The following ZNF207 variants were observed in gnomAD, a reference collection of about 807,000 sequenced individuals.
ZNF207 encodes zinc finger protein 207.
Under a neutral mutation model 60.2 loss-of-function variants are expected in ZNF207, and 24 were observed. That is an observed-to-expected ratio of 0.40 (90% CI 0.29 to 0.56). ZNF207 has a LOEUF of 0.56. Among genes scored for constraint, ZNF207 ranks in the 20% least tolerant of loss-of-function variants. The pLI is 0.49. For missense variants in ZNF207, 452 were observed against 636.6 expected (o/e 0.71, Z 3.12); for synonymous variants, 236 against 194.7 (o/e 1.21, Z -1.77).
intron 3 of ZNF207, among the ~76,000 whole-genome samples, chr17:32,359,517 G>A (rs919892621): frequency 1.3e-5 from 2 of 152,062 alleles, no homozygotes; most frequent in African/African-American, 2.4e-5. Context: ...CTAAGTGCTG[G>A]GATTACAGGT....
chr17:32,350,482 T>C, intron 1 of ZNF207, 156 bp downstream of exon 1: 1 of 927,058 alleles, frequency 1.1e-6, no homozygotes, highest in Non-Finnish European at 1.7e-6. Context: ...GGAAGGCTTC[T>C]AGGAAAATGG....
chr17:32,376,011 A>G lies in ZNF207; in HGVS notation c.*6252A>G, dbSNP rs1464367545. The G allele has an allele frequency of 6.6e-6, 1 of 152,002 alleles. No homozygotes were observed. The highest frequency in any genetic ancestry group is 1.5e-5 in the Non-Finnish European group (1 of 67,876). The allele number at this position is 152,002 out of a possible 1,614,324, so 9.4% of individuals were successfully genotyped here. Reference sequence around the variant, plus strand: ...ATTTAAATAATAACCTTTTGTTTTTATAGCAAAGAAATCATCTGACTTTTC... The same window carrying G: ...ATTTAAATAATAACCTTTTGTTTTTGTAGCAAAGAAATCATCTGACTTTTC... On this transcript the variant is annotated 3_prime_UTR_variant, in exon 12 of 12. Transcript: ENST00000394670.
At chr17:32,358,705 A>G in intron 3 of ZNF207, 64 bp downstream of exon 3, 1 of 1,209,914 alleles carries the variant, frequency 8.3e-7, no homozygotes, top group South Asian at 3.2e-5. Flanking sequence ...TTTTTGAGAC[A>G]GAGGCTTACT....
chr17:32,369,344 C>T lies in ZNF207; in HGVS notation c.1214C>T (p.Pro405Leu). ...AAGTATCAACGTAATCTTCCTCGGC[C>T]AGGACAGGCCCCCATCGGTAATCCA... is the stretch of plus-strand genomic sequence containing the variant. ...LPKYQRNLPR[P>L]GQAPIGNPPV... The change falls in exon 11 of 12, where the codon CCA becomes CTA. Residue 405 changes from proline (P) to leucine (L), a missense_variant. Pro to Leu is a moderately conservative substitution (Grantham distance 98, BLOSUM62 -3). Transcript: ENST00000394670. 1 of 1,614,094 alleles carries T rather than the reference C, an allele frequency of 6.2e-7. No individual in the cohort carries two copies. Among genetic ancestry groups the T allele is most frequent in the Non-Finnish European group, 8.5e-7 (1 of 1,180,012 alleles).
chr17:32,351,480 G>A, intron 1 of ZNF207: 1 of 1,455,868 alleles, frequency 6.9e-7, no homozygotes, highest in African/African-American at 1.4e-5. Context: ...ATTTGTAAAT[G>A]TTGAAATATT....
At chr17:32,365,522 A>T in intron 8 of ZNF207, 35 bp downstream of exon 8, 1 of 1,605,024 alleles carries the variant, frequency 6.2e-7, no homozygotes, top group Non-Finnish European at 8.5e-7. Context: ...GTGCACTTAT[A>T]TTTAAAGATA....
chr17:32,362,982 C>CAGGT lies in ZNF207; in HGVS notation c.670_670+3dup. ...CCACCTCTGATGCCTGGAATGCCAC[C>CAGGT]AGGTATATGTTAGATAATTTCATTT... On this transcript the variant is annotated frameshift_variant and splice_region_variant, in exon 7 of 12. Transcript: ENST00000394670. LOFTEE classifies it high-confidence loss of function. 1 of 1,612,800 alleles carries CAGGT rather than the reference C, an allele frequency of 6.2e-7. No individual in the cohort carries two copies. Among genetic ancestry groups the CAGGT allele is most frequent in the Non-Finnish European group, 8.5e-7 (1 of 1,179,648 alleles).
chr17:32,351,929 T>C lies in ZNF207; in HGVS notation c.168+17T>C. ...TGCATGCAGGTAAGGATTTTTCTTCTGTATTTATTGTCCGCTTGTGATTTG... is the reference window on the plus strand; with the variant it reads ...TGCATGCAGGTAAGGATTTTTCTTCCGTATTTATTGTCCGCTTGTGATTTG... On this transcript the variant is annotated intron_variant, in intron 2 of 11. Coordinates refer to ENST00000394670, the MANE Select transcript of ZNF207 (RefSeq NM_001098507.2). 1 of 1,515,006 alleles carries C rather than the reference T, an allele frequency of 6.6e-7. No homozygotes were observed. Among genetic ancestry groups the C allele is most frequent in the Non-Finnish European group, 8.9e-7 (1 of 1,129,606 alleles). The allele number at this position is 1,515,006 out of a possible 1,614,324, so 93.8% of individuals were successfully genotyped here. A position where few individuals can be genotyped will look rare whatever the true frequency, so the allele number is the denominator to read the frequency against.
chr17:32,358,663 A>G, intron 3 of ZNF207, 22 bp downstream of exon 3: 1 of 1,401,948 alleles, frequency 7.1e-7, no homozygotes, highest in Non-Finnish European at 9.3e-7. Flanking sequence ...GATAAGTTTT[A>G]TTTTATTTAT....
Position 32,358,525 on chromosome 17 carries a change from C to A in ZNF207, c.191C>A (p.Ala64Asp). The A allele has an allele frequency of 6.4e-7, 1 of 1,562,868 alleles. No homozygotes were observed. The highest frequency in any genetic ancestry group is 8.6e-7 in the Non-Finnish European group (1 of 1,162,794). Reference protein sequence around the residue: ...CMQVHKETIDAVPNAIPGRTD... With the variant: ...CMQVHKETIDDVPNAIPGRTD... The stretch of plus-strand genomic sequence containing the variant: ...TAGGTACATAAAGAAACAATAGATG[C>A]CGTACCAAATGCAATACCTGGAAGA... Residue 64 changes from alanine to aspartate, a missense_variant, in exon 3 of 12, where the codon GCC becomes GAC. This residue lies in a region of ZNF207 where 62 missense variants were observed against 175.3 expected (regional missense o/e 0.35). Transcript: ENST00000394670.
rs1399872336 is a variant in ZNF207 at position 32,370,040 on chromosome 17, T to C, written c.*281T>C. On this transcript the variant is annotated 3_prime_UTR_variant, in exon 12 of 12. Transcript: ENST00000394670. Reference sequence around the variant, plus strand: ...GTATAGTAAATTTGGTTCGTTAAATTGTGAAGGCGCTGGAATTACATGAAC... The same window carrying C: ...GTATAGTAAATTTGGTTCGTTAAATCGTGAAGGCGCTGGAATTACATGAAC... The C allele has an allele frequency of 3.9e-6, 1 of 255,446 alleles. No individual in the cohort carries two copies. The highest frequency in any genetic ancestry group is 7.3e-6 in the Non-Finnish European group (1 of 137,620). The allele number at this position is 255,446 out of a possible 1,614,324, so 15.8% of individuals were successfully genotyped here.
chr17:32,361,572 A>G (rs894441442), intron 6 of ZNF207, 57 bp downstream of exon 6: 10 of 1,515,512 alleles, frequency 6.6e-6, no homozygotes, highest in South Asian at 2.5e-5. Context: ...TCATTTTTTT[A>G]TGTGTGTGTT....
At chr17:32,358,693 T>G in intron 3 of ZNF207, 52 bp downstream of exon 3, 1 of 1,302,920 alleles carries the variant, frequency 7.7e-7, no homozygotes, top group Non-Finnish European at 9.8e-7. Context: ...TTAATTTTTT[T>G]TTTTTTGAGA....
chr17:32,350,685 C>T (rs758005916), intron 1 of ZNF207, among the ~76,000 whole-genome samples: 18 of 152,078 alleles, frequency 1.2e-4, no homozygotes, highest in Non-Finnish European at 1.5e-5. Flanking sequence ...TCTTCGAGTG[C>T]GATAGGCTTA....
intron 3 of ZNF207, 84 bp downstream of exon 3, chr17:32,358,725 C>T (rs556952709): frequency 1.6e-5 from 18 of 1,110,632 alleles, no homozygotes; most frequent in South Asian, 7.7e-5. Context: ...TCTGTCCAGC[C>T]GAGGCTGGAG....
chr17:32,365,214 T>C, intron 7 of ZNF207, 116 bp from the exon 8 acceptor site: 1 of 1,167,946 alleles, frequency 8.6e-7, no homozygotes, highest in Non-Finnish European at 1.2e-6. Context: ...CTAAGTTCCT[T>C]GGATTTAGTC....
Position 32,378,623 on chromosome 17 carries a change from T to A in ZNF207, c.*8864T>A, listed in dbSNP as rs903886296. On this transcript the variant is annotated 3_prime_UTR_variant, in exon 12 of 12. Transcript: ENST00000394670. The stretch of plus-strand genomic sequence containing the variant: ...TTGACTACTCATCAAGAAATGTAGC[T>A]AGATTCTTTATGTAACACTTTTGAG... 2.0e-5 allele frequency: 3 copies of A among 152,052 alleles called. No individual in the cohort carries two copies. Among genetic ancestry groups the A allele is most frequent in the Non-Finnish European group, 4.4e-5 (3 of 67,928 alleles). The allele number at this position is 152,052 out of a possible 1,614,324, so 9.4% of individuals were successfully genotyped here.
At position 32,369,699 on chromosome 17, in the gene ZNF207, G is replaced by A. The variant is rs371252345; in HGVS notation, c.1425G>A (p.Gly475=). Residue 475 remains glycine (G), a synonymous_variant, in exon 12 of 12, where the codon GGG becomes GGA. Transcript: ENST00000394670. ...GPPMVPPYQG[G]PPRPPMGMRP... ...CAATGGTGCCCCCTTACCAGGGTGG[G>A]CCTCCTCGACCTCCGATGGGAATGA... 1.3e-6 allele frequency: 2 copies of A among 1,594,492 alleles called. No individual in the cohort carries two copies. Among genetic ancestry groups the A allele is most frequent in the Non-Finnish European group, 1.7e-6 (2 of 1,171,538 alleles).
At chr17:32,351,491 T>G (rs963616379) in intron 1 of ZNF207, 2 of 1,478,378 alleles carry the variant, frequency 1.4e-6, no homozygotes, top group African/African-American at 1.4e-5. Flanking sequence ...TTGAAATATT[T>G]ATAACAAAAG....
Sources: allele counts gnomAD v4.1 joint callset (sites outside exome capture counted in the v4.1 genomes callset), GRCh38; gene constraint gnomAD v4.1.1; regional missense constraint gnomAD v4.1.1; transcripts MANE v1.5; gene names NCBI Gene and HGNC (gene_info 2026-07-23, HGNC 2026-07-21).